The following ABI3BP variants were observed in gnomAD, a reference collection of about 807,000 sequenced individuals.
The protein encoded by ABI3BP is ABI family member 3 binding protein, also known as target of Nesh-SH3.
Under a neutral mutation model 268.6 loss-of-function variants are expected in ABI3BP, and 216 were observed. That is an observed-to-expected ratio of 0.80 (90% CI 0.72 to 0.90). The LOEUF (loss-of-function observed/expected upper bound fraction) is 0.90, where lower values mean the gene tolerates loss of function less well. Ranked by LOEUF, ABI3BP falls within the 40% of genes least tolerant of loss-of-function variation. ABI3BP has a pLI of 0.00. For synonymous variants in ABI3BP, 730 were observed against 730.0 expected (o/e 1.00, Z 0.00); for missense variants, 2,090 against 2,182.4 (o/e 0.96, Z 0.84).
At chr3:100,850,606 T>A in intron 16 of ABI3BP, 54 bp downstream of exon 16, 1 of 1,371,084 alleles carries the variant, frequency 7.3e-7, no homozygotes, top group Non-Finnish European at 1.0e-6. Context: ...GGCATTCACA[T>A]GATTTTTTTT....
intron 31 of ABI3BP, 43 bp from the exon 32 acceptor site, chr3:100,830,677 G>T (rs1271588345): frequency 1.4e-6 from 2 of 1,461,990 alleles, no homozygotes; most frequent in Non-Finnish European, 1.8e-6. Flanking sequence ...TTTTGTGAAT[G>T]CATGAAATGT....
chr3:100,864,151 C>T (rs2099026605), intron 11 of ABI3BP, 75 bp from the exon 12 acceptor site: 1 of 950,362 alleles, frequency 1.1e-6, no homozygotes, highest in Non-Finnish European at 1.6e-6. Flanking sequence ...TGATCATGCA[C>T]AGCAAGCTTT....
At chr3:100,983,489 A>G (rs1020926035) in intron 1 of ABI3BP, among the ~76,000 whole-genome samples, 1 of 152,214 alleles carries the variant, frequency 6.6e-6, no homozygotes, top group Non-Finnish European at 1.5e-5. Flanking sequence ...TTAACAGATT[A>G]CATTTGAATT....
chr3:100,774,854 G>T (rs907555547), intron 60 of ABI3BP, among the ~76,000 whole-genome samples, 181 bp from the exon 61 acceptor site: 8 of 152,068 alleles, frequency 5.3e-5, no homozygotes, highest in African/African-American at 1.7e-4. Flanking sequence ...CTGCTGCAAG[G>T]TGTTCTATAG....
At position 100,886,304 on chromosome 3, in the gene ABI3BP, G is replaced by A. The variant is rs1205460574; in HGVS notation, c.481C>T (p.Arg161Ter). The A allele has an allele frequency of 7.5e-6, 12 of 1,597,326 alleles. No individual in the cohort carries two copies. Among genetic ancestry groups the A allele is most frequent in the African/African-American group, 1.3e-5 (1 of 74,186 alleles). Reference protein sequence around the residue: ...PNDRFYTIRYREKDKEKKWIF... With the variant: ...PNDRFYTIRY ...CACTTCTTTTCTTTATCCTTTTCTC[G>A]ATAGCGAATTGTATAAAATCTGTTG... Residue 161 changes from arginine to a stop codon, truncating the protein, a stop_gained, in exon 5 of 68, where the codon CGA becomes TGA. Transcript: ENST00000471714. LOFTEE classifies it high-confidence loss of function.
At position 100,862,320 on chromosome 3, in the gene ABI3BP, G is replaced by T; in HGVS notation, c.1276C>A (p.Pro426Thr). 6.3e-7 allele frequency: 1 copy of T among 1,598,492 alleles called. No homozygotes were observed. Among genetic ancestry groups the T allele is most frequent in the Non-Finnish European group, 8.5e-7 (1 of 1,172,708 alleles). ...AAAAGGATTTAATTACCAGTTTGAG[G>T]CTGCAGAACTTTGGAATCTTCAGAT... Reference protein sequence around the residue: ...KISEDSKVLQPQTATYDVFSS... With the variant: ...KISEDSKVLQTQTATYDVFSS... The change falls in exon 14 of 68, where the codon CCT becomes ACT. Residue 426 changes from proline (P) to threonine (T), a missense_variant. Pro to Thr is a conservative substitution (Grantham distance 38). Transcript: ENST00000471714.
rs114708207 is a variant in ABI3BP, at chr3:100,817,100, G to A, written c.3149-332C>T. On this transcript the variant is annotated intron_variant, in intron 42 of 67. Transcript: ENST00000471714. ...CATAAGAACTGTTAGAGTTTAGTCA[G>A]TTTAGATATGATATAGCCACCAGCA... Among the ~76,000 whole-genome samples, 379 of 152,264 alleles carry A rather than the reference G, an allele frequency of 2.5e-3. 3 individuals are homozygous for A. The highest frequency in any genetic ancestry group is 8.8e-3 in the African/African-American group (364 of 41,566).
Position 100,850,067 on chromosome 3 carries a change from T to C in ABI3BP, c.1479A>G (p.Pro493=). 6.2e-7 allele frequency: 1 copy of C among 1,611,650 alleles called. No individual in the cohort carries two copies. The highest frequency in any genetic ancestry group is 8.5e-7 in the Non-Finnish European group (1 of 1,178,986). The part of the protein sequence containing the change: ...VPQKLEIFTS[P]EMQPTTPAPQ... ...TACCAGGTGTCGTAGGCTGCATTTCTGGACTGGTAAAGATTTCCAGTTTTT... is the reference window on the plus strand; with the variant it reads ...TACCAGGTGTCGTAGGCTGCATTTCCGGACTGGTAAAGATTTCCAGTTTTT... Residue 493 remains proline (P), a synonymous_variant, in exon 17 of 68, where the codon CCA becomes CCG. Coordinates refer to ENST00000471714, the MANE Select transcript of ABI3BP (RefSeq NM_001375547.2).
chr3:100,916,145 G>A (rs1453669042), intron 2 of ABI3BP, among the ~76,000 whole-genome samples: 5 of 152,080 alleles, frequency 3.3e-5, no homozygotes, highest in African/African-American at 9.7e-5. Context: ...CTGTACACTC[G>A]CACACACACA....
chr3:100,896,077 C>G (rs2047524996), intron 4 of ABI3BP, among the ~76,000 whole-genome samples: 1 of 152,180 alleles, frequency 6.6e-6, no homozygotes, highest in Admixed American at 6.5e-5. Flanking sequence ...CCTAATGGTT[C>G]CCTACTTTGG....
chr3:100,750,920 A>C (rs2095279314), intron 67 of ABI3BP, among the ~76,000 whole-genome samples: 1 of 152,142 alleles, frequency 6.6e-6, no homozygotes. Flanking sequence ...TGGTATTTTT[A>C]AGTGCCCGTG....
At chr3:100,924,904 T>C (rs2061372602) in intron 2 of ABI3BP, among the ~76,000 whole-genome samples, 1 of 152,112 alleles carries the variant, frequency 6.6e-6, no homozygotes, top group Non-Finnish European at 1.5e-5. Flanking sequence ...TAATGCTCAA[T>C]GAAAAAAGGG....
At chr3:100,801,405 G>A (rs1216197167) in intron 51 of ABI3BP, among the ~76,000 whole-genome samples, 1 of 125,746 alleles carries the variant, frequency 8.0e-6, no homozygotes, top group African/African-American at 3.3e-5. Flanking sequence ...TCCAGCCTGG[G>A]CAACAGAGTG....
intron 7 of ABI3BP, among the ~76,000 whole-genome samples, chr3:100,875,794 A>C (rs2099156093): frequency 6.6e-6 from 1 of 152,182 alleles, no homozygotes; most frequent in South Asian, 2.1e-4. Context: ...CTATTATTCT[A>C]TCATAAGGTG....
chr3:100,911,866 T>A, intron 2 of ABI3BP: 1 of 1,600,172 alleles, frequency 6.2e-7, no homozygotes. Flanking sequence ...AACGTCATGA[T>A]CTGATCTGAA....
At chr3:100,871,344 G>A (rs182725793) in intron 9 of ABI3BP, among the ~76,000 whole-genome samples, 97 of 152,236 alleles carry the variant, frequency 6.4e-4, no homozygotes, top group African/African-American at 1.7e-3. Context: ...AAGAAACATG[G>A]TCTACTAAGT....
intron 14 of ABI3BP, 25 bp downstream of exon 14, chr3:100,862,286 T>C: frequency 1.3e-6 from 2 of 1,521,108 alleles, no homozygotes; most frequent in Non-Finnish European, 8.9e-7. Flanking sequence ...TATAATCGAT[T>C]TTTTTAAGAA....
chr3:100,835,747 A>T, intron 27 of ABI3BP, 87 bp from the exon 28 acceptor site: 3 of 1,051,452 alleles, frequency 2.9e-6, no homozygotes, highest in Non-Finnish European at 4.1e-6. Flanking sequence ...TTAACCCTTT[A>T]ATGTTTTAAA....
intron 2 of ABI3BP, among the ~76,000 whole-genome samples, chr3:100,903,815 T>C (rs2051736863): frequency 6.6e-6 from 1 of 152,208 alleles, no homozygotes; most frequent in Admixed American, 6.5e-5. Context: ...GGCTATAACC[T>C]GCTGCAGTAA....
Sources: allele counts gnomAD v4.1 joint callset (sites outside exome capture counted in the v4.1 genomes callset), GRCh38; gene constraint gnomAD v4.1.1; transcripts MANE v1.5; gene names NCBI Gene and HGNC (gene_info 2026-07-23, HGNC 2026-07-21).